GLIS3: variants seen among roughly 807,000 people sequenced by gnomAD.
GLIS3 encodes GLIS family zinc finger 3.
Under a neutral mutation model 78.6 loss-of-function variants are expected in GLIS3, and 53 were observed. The ratio of observed to expected loss-of-function variants is 0.67; its 90% CI spans 0.54 to 0.85. GLIS3 has a LOEUF of 0.85. GLIS3 is among the 40% of genes least tolerant of loss of function. The pLI is 0.00. For missense variants in GLIS3, 1,703 were observed against 1,231.1 expected (o/e 1.38, Z -5.74); for synonymous variants, 684 against 509.9 (o/e 1.34, Z -4.60).
intron 2 of GLIS3, among the ~76,000 whole-genome samples, chr9:4,209,822 C>T (rs10814884): frequency 2.5e-5 from 3 of 121,156 alleles, no homozygotes; most frequent in African/African-American, 1.0e-4. Context: ...CCCGCCCCCC[C>T]CCAGTTGTGA....
At chr9:4,111,119 C>A (rs761058600) in intron 4 of GLIS3, among the ~76,000 whole-genome samples, 2 of 152,098 alleles carry the variant, frequency 1.3e-5, no homozygotes, top group Non-Finnish European at 2.9e-5. Flanking sequence ...TCCAAAGGTT[C>A]GACATACATT....
chr9:3,997,256 G>A (rs910950168), intron 4 of GLIS3, among the ~76,000 whole-genome samples: 1 of 152,186 alleles, frequency 6.6e-6, no homozygotes, highest in Admixed American at 6.5e-5. Flanking sequence ...TGAGGCCGGA[G>A]AATCGCTTGA....
At chr9:4,151,319 G>C (rs889156605) in intron 2 of GLIS3, among the ~76,000 whole-genome samples, 12 of 152,168 alleles carry the variant, frequency 7.9e-5, no homozygotes, top group African/African-American at 2.4e-4. Context: ...AAGAGGTTCA[G>C]TTTGAGTTTG....
the GLIS3 span, among the ~76,000 whole-genome samples, chr9:4,400,440 A>T: frequency 6.6e-6 from 1 of 152,194 alleles, no homozygotes; most frequent in African/African-American, 2.4e-5. Context: ...AAAGAATGTG[A>T]TTATGAGACA....
intron 8 of GLIS3, among the ~76,000 whole-genome samples, chr9:3,864,199 G>A (rs918228857): frequency 6.6e-6 from 1 of 152,162 alleles, no homozygotes; most frequent in Non-Finnish European, 1.5e-5. Context: ...GTGGGTCAGA[G>A]CAAGGGGATT....
intron 8 of GLIS3, among the ~76,000 whole-genome samples, chr9:3,861,068 A>C (rs182108948): frequency 6.6e-6 from 1 of 152,308 alleles, no homozygotes; most frequent in Admixed American, 6.5e-5. Flanking sequence ...AATACAATGA[A>C]AGTCTGATGC....
At chr9:4,352,980 G>A (rs1176078337), upstream of GLIS3, among the ~76,000 whole-genome samples, 2 of 152,168 alleles carry the variant, frequency 1.3e-5, no homozygotes, top group African/African-American at 2.4e-5. Flanking sequence ...CTCCTTCAGG[G>A]TTCCAGACCT....
chr9:4,067,242 A>C (rs943368285), intron 4 of GLIS3, among the ~76,000 whole-genome samples: 1 of 151,760 alleles, frequency 6.6e-6, no homozygotes, highest in Middle Eastern at 3.4e-3. Context: ...TATAATAGAA[A>C]GTATAATACT....
At chr9:4,330,540 G>A (rs1587389437) in intron 2 of GLIS3, among the ~76,000 whole-genome samples, 1 of 152,304 alleles carries the variant, frequency 6.6e-6, no homozygotes. Flanking sequence ...GAGATGAAGG[G>A]AGGTGGAGAT....
chr9:4,133,837 C>CAA (rs1373681497), intron 2 of GLIS3, among the ~76,000 whole-genome samples: 11 of 52,154 alleles, frequency 2.1e-4, no homozygotes, highest in Non-Finnish European at 3.9e-4. Context: ...CACACACACA[C>CAA]ACACACACAC....
At chr9:4,149,551 A>G (rs544373268) in intron 2 of GLIS3, among the ~76,000 whole-genome samples, 2 of 152,372 alleles carry the variant, frequency 1.3e-5, no homozygotes, top group Non-Finnish European at 2.9e-5. Flanking sequence ...TATAAGCAAT[A>G]GTCAGGCATG....
intron 2 of GLIS3, among the ~76,000 whole-genome samples, chr9:4,320,300 G>A (rs772942236): frequency 1.5e-4 from 23 of 152,006 alleles, no homozygotes; most frequent in Non-Finnish European, 2.9e-4. Context: ...GCTGACTTTT[G>A]GATAATAAAG....
At chr9:4,181,853 C>T (rs939961566) in intron 2 of GLIS3, among the ~76,000 whole-genome samples, 3 of 152,142 alleles carry the variant, frequency 2.0e-5, no homozygotes, top group African/African-American at 4.8e-5. Context: ...TCCAATTATC[C>T]AAGCTAAGGG....
chr9:4,114,245 A>G (rs617732), intron 4 of GLIS3, among the ~76,000 whole-genome samples: 120,742 of 152,062 alleles, frequency 0.79, 48,234 homozygotes, highest in African/African-American at 0.87. Flanking sequence ...CCGTTACCCA[A>G]CCATTGCACA....
In GLIS3 at chr9:4,125,740, T is replaced by A. The variant is rs761151597; in HGVS notation, c.590A>T (p.Asp197Val). 6.2e-7 allele frequency: 1 copy of A among 1,612,804 alleles called. No individual in the cohort carries two copies. Among genetic ancestry groups the A allele is most frequent in the African/African-American group, 1.3e-5 (1 of 74,858 alleles). Reference protein sequence around the residue: ...NAANLNIPPSDTRSLISRESL... With the variant: ...NAANLNIPPSVTRSLISRESL... Reference sequence around the variant, plus strand: ...AAAAAAGTTAACTTGAGACCTGGTATCTGAAGGAGGTATATTCAGGTTGGC... The same window carrying A: ...AAAAAAGTTAACTTGAGACCTGGTAACTGAAGGAGGTATATTCAGGTTGGC... The change falls in exon 3 of 11, where the codon GAT becomes GTT. Residue 197 changes from aspartate (D) to valine (V), a missense_variant. Transcript: ENST00000381971.
At chr9:4,407,235 T>C in the GLIS3 span, among the ~76,000 whole-genome samples, 23,674 of 152,156 alleles carry the variant, frequency 0.16, 2,240 homozygotes, top group Middle Eastern at 0.22. Flanking sequence ...AAACTGGATA[T>C]CCTTACGCAG....
At chr9:4,120,778 G>C (rs929462186) in intron 3 of GLIS3, among the ~76,000 whole-genome samples, 1 of 152,334 alleles carries the variant, frequency 6.6e-6, no homozygotes, top group African/African-American at 2.4e-5. Flanking sequence ...ACAATTGCCT[G>C]TCACTGTCAT....
At chr9:4,257,191 C>A (rs942741521) in intron 2 of GLIS3, among the ~76,000 whole-genome samples, 1 of 151,962 alleles carries the variant, frequency 6.6e-6, no homozygotes. Context: ...CCATTTATGA[C>A]AATATGGATG....
Position 3,843,448 on chromosome 9 carries a change from T to C in GLIS3, c.2473+12561A>G, listed in dbSNP as rs554350203. On this transcript the variant is annotated intron_variant, in intron 9 of 10. Coordinates refer to ENST00000381971, the MANE Select transcript of GLIS3 (RefSeq NM_001042413.2). The stretch of plus-strand genomic sequence containing the variant: ...GTAAGAGTATGGAAACCTATATAAG[T>C]GGCTTTGAGATAGGAAAGTGGATGT... Among the ~76,000 whole-genome samples, 17 of 152,292 alleles carry C rather than the reference T, an allele frequency of 1.1e-4. 1 individual carries two copies. The South Asian group carries it at 3.5e-3, about 32-fold the overall frequency.
Sources: gnomAD v4.1 joint callset for allele counts (sites outside exome capture counted in the v4.1 genomes callset) on GRCh38, gnomAD v4.1.1 for gene constraint, MANE v1.5 for transcripts, NCBI Gene and HGNC (gene_info 2026-07-23, HGNC 2026-07-21) for gene names.